Variants in NBEAL1 observed in about 807,000 individuals in gnomAD.
NBEAL1 encodes neurobeachin like 1, also known as neurobeachin-like protein 1.
NBEAL1 carries 273 observed loss-of-function variants against 351.3 expected under a neutral mutation model. That is an observed-to-expected ratio of 0.78 (90% confidence interval 0.70 to 0.86). The LOEUF (loss-of-function observed/expected upper bound fraction) is 0.86. NBEAL1 is among the 40% of genes least tolerant of loss of function. NBEAL1 has a pLI of 0.00. For synonymous variants in NBEAL1, 1,050 were observed against 1,086.4 expected (o/e 0.97, Z 0.66); for missense variants, 2,961 against 3,201.3 (o/e 0.92, Z 1.81).
intron 6 of NBEAL1, among the ~76,000 whole-genome samples, chr2:203,067,204 A>G (rs2061607813): frequency 6.6e-6 from 1 of 152,252 alleles, no homozygotes; most frequent in Non-Finnish European, 1.5e-5. Context: ...TTGTACTGTT[A>G]CAAAGACATG....
intron 10 of NBEAL1, among the ~76,000 whole-genome samples, chr2:203,090,512 T>C (rs2062042805): frequency 6.6e-6 from 1 of 152,092 alleles, no homozygotes; most frequent in Admixed American, 6.6e-5. Flanking sequence ...TTACTTCTTA[T>C]AGGAAAAAAG....
At chr2:203,161,612 G>C (rs1001131625) in intron 36 of NBEAL1, among the ~76,000 whole-genome samples, 2 of 151,344 alleles carry the variant, frequency 1.3e-5, no homozygotes, top group Non-Finnish European at 2.9e-5. Flanking sequence ...CTGGGTGACA[G>C]AGCAAGACTC....
intron 7 of NBEAL1, among the ~76,000 whole-genome samples, chr2:203,069,825 T>TA (rs1312813273): frequency 6.6e-6 from 1 of 152,068 alleles, no homozygotes; most frequent in Admixed American, 6.5e-5. Flanking sequence ...GCCTGGCTAA[T>TA]ATAAAAAAAT....
intron 7 of NBEAL1, among the ~76,000 whole-genome samples, chr2:203,071,085 G>A (rs894828990): frequency 4.6e-5 from 7 of 152,100 alleles, no homozygotes; most frequent in African/African-American, 1.7e-4. Context: ...TTGATTTTTT[G>A]TTTAAAAATT....
intron 2 of NBEAL1, among the ~76,000 whole-genome samples, chr2:203,039,222 TTCCCTTCC>T (rs2061090934): frequency 7.8e-4 from 6 of 7,728 alleles, no homozygotes; most frequent in Non-Finnish European, 1.3e-3. Flanking sequence ...TTCCTTTCCC[TTCCCTTCC>T]CTTCCCTTCC....
chr2:203,175,390 G>A (rs941763623), intron 42 of NBEAL1, 103 bp downstream of exon 42: 14 of 1,194,298 alleles, frequency 1.2e-5, no homozygotes, highest in Admixed American at 8.4e-5. Context: ...TTATTCTCCT[G>A]TATTAAATTT....
intron 35 of NBEAL1, among the ~76,000 whole-genome samples, chr2:203,155,125 ATGATCCCAGGTACT>A (rs757732548): frequency 6.6e-6 from 1 of 150,930 alleles, no homozygotes; most frequent in Non-Finnish European, 1.5e-5. Context: ...ATGTGCGCCC[ATGATCCCAGGTACT>A]TGGGAGGCTG....
intron 44 of NBEAL1, among the ~76,000 whole-genome samples, chr2:203,187,842 G>T (rs953455786): frequency 6.6e-6 from 1 of 152,044 alleles, no homozygotes; most frequent in Non-Finnish European, 1.5e-5. Flanking sequence ...ACTTTAAAAT[G>T]TACTGTTTGG....
chr2:203,208,459 A>G (rs532565439), intron 51 of NBEAL1, among the ~76,000 whole-genome samples, 178 bp from the exon 52 acceptor site: 1 of 152,332 alleles, frequency 6.6e-6, no homozygotes, highest in South Asian at 2.1e-4. Context: ...TTTGAGATGG[A>G]GAATAATTCA....
intron 15 of NBEAL1, 88 bp from the exon 16 acceptor site, chr2:203,111,891 C>T: frequency 7.2e-7 from 1 of 1,391,526 alleles, no homozygotes; most frequent in Non-Finnish European, 9.7e-7. Context: ...ACTATTTGTA[C>T]AAATTATAGA....
intron 37 of NBEAL1, 144 bp downstream of exon 37, chr2:203,166,441 A>T: frequency 1.4e-6 from 1 of 727,140 alleles, no homozygotes; most frequent in South Asian, 2.1e-5. Context: ...CAAATTTGTT[A>T]TTCACCAAGG....
intron 30 of NBEAL1, 43 bp downstream of exon 30, chr2:203,138,358 A>C: frequency 6.4e-7 from 1 of 1,562,118 alleles, no homozygotes; most frequent in Non-Finnish European, 8.6e-7. Flanking sequence ...GGTAGTTAAG[A>C]ACTTTATTCA....
At position 203,113,187 on chromosome 2, in the gene NBEAL1, C is replaced by T. The variant is rs377696347; in HGVS notation, c.2375C>T (p.Thr792Ile). 117 of 1,551,424 alleles carry T rather than the reference C, an allele frequency of 7.5e-5. No individual in the cohort carries two copies. In the African/African-American group the frequency reaches 1.6e-3, roughly 21 times the overall value. Reference protein sequence around the residue: ...GGTIEKSKLITKLISAGTQDS... With the variant: ...GGTIEKSKLIIKLISAGTQDS... ...ACAATTGAAAAATCAAAATTGATTA[C>T]CAAATTGATATCAGCTGGAACCCAA... The change falls in exon 17 of 56, where the codon ACC becomes ATC. Residue 792 changes from threonine (T) to isoleucine (I), a missense_variant. Thr to Ile is a moderately conservative substitution (Grantham distance 89). Transcript: ENST00000683969.
At chr2:203,119,424 C>CTGTTTTTTTTTTTTTTTTTTTT (rs2062776172) in intron 18 of NBEAL1, among the ~76,000 whole-genome samples, 2 of 66,664 alleles carry the variant, frequency 3.0e-5, no homozygotes, top group East Asian at 7.0e-4. Context: ...CGGCCTGTTG[C>CTGTTTTTTTTTTTTTTTTTTTT]TTTTTTTTTT....
chr2:203,174,751 C>T (rs112367766), intron 41 of NBEAL1, among the ~76,000 whole-genome samples: 2 of 151,394 alleles, frequency 1.3e-5, no homozygotes, highest in Non-Finnish European at 2.9e-5. Context: ...ATTAGCTGGG[C>T]GTGGTGGCAG....
At chr2:203,041,997 G>A (rs1217641029) in intron 3 of NBEAL1, 141 bp downstream of exon 3, 19 of 644,162 alleles carry the variant, frequency 2.9e-5, no homozygotes, top group Middle Eastern at 5.1e-4. Flanking sequence ...TAGAGACATA[G>A]CTAATTGATG....
At position 203,171,429 on chromosome 2, in the gene NBEAL1, AC is replaced by A. The variant is rs2064316271; in HGVS notation, c.6103-497del. 2.6e-5 allele frequency among the ~76,000 whole-genome samples: 4 copies of A among 152,238 alleles called. No individual in the cohort carries two copies. In the South Asian group the frequency reaches 8.3e-4, roughly 32 times the overall value. ...AGACCAGCCTGGGCAACAAAGCAAG[AC>A]CTCATCTCTACAAATAGTTTAAAAA... On this transcript the variant is annotated intron_variant, in intron 39 of 55. Transcript: ENST00000683969.
intron 42 of NBEAL1, among the ~76,000 whole-genome samples, chr2:203,178,884 A>T (rs2064608744): frequency 6.6e-6 from 1 of 152,334 alleles, no homozygotes; most frequent in Non-Finnish European, 1.5e-5. Flanking sequence ...TTATGAATAT[A>T]CTGAATTAAA....
chr2:203,154,019 G>A (rs2063731552), intron 35 of NBEAL1, among the ~76,000 whole-genome samples: 1 of 151,926 alleles, frequency 6.6e-6, no homozygotes, highest in African/African-American at 2.4e-5. Flanking sequence ...GCGGAGGTGG[G>A]CGGATCACGA....
Sources: allele counts gnomAD v4.1 joint callset (sites outside exome capture counted in the v4.1 genomes callset), GRCh38; gene constraint gnomAD v4.1.1; transcripts MANE v1.5; gene names NCBI Gene and HGNC (gene_info 2026-07-23, HGNC 2026-07-21).